PARPBP: variants seen among roughly 807,000 people sequenced by gnomAD.
PARPBP encodes PCNA-interacting partner.
A neutral mutation model predicts 50.0 loss-of-function variants in PARPBP; 52 were observed. The ratio of observed to expected loss-of-function variants is 1.04; its 90% CI spans 0.83 to 1.31. The LOEUF is 1.31. PARPBP is among the 50% of genes most tolerant of loss of function. The pLI is 0.00. For synonymous variants in PARPBP, 244 were observed against 232.1 expected, an observed-to-expected ratio of 1.05 and a Z score of -0.47; for missense variants, 697 against 672.0, an observed-to-expected ratio of 1.04 and a Z score of -0.41.
At chr12:102,161,533 A>G (rs1887590911) in intron 4 of PARPBP, among the ~76,000 whole-genome samples, 1 of 152,198 alleles carries the variant, frequency 6.6e-6, no homozygotes, top group Non-Finnish European at 1.5e-5. Context: ...AAACAGATTG[A>G]TTACCTACTA....
intron 8 of PARPBP, among the ~76,000 whole-genome samples, chr12:102,181,017 A>G (rs1283657695): frequency 2.0e-5 from 3 of 152,166 alleles, no homozygotes; most frequent in Non-Finnish European, 2.9e-5. Context: ...AAGGTATTCA[A>G]GTTGGTCTGA....
At chr12:102,125,488 A>G (rs553395402) in intron 2 of PARPBP, among the ~76,000 whole-genome samples, 1 of 152,282 alleles carries the variant, frequency 6.6e-6, no homozygotes, top group East Asian at 1.9e-4. Flanking sequence ...GGGGATTTTT[A>G]TGGGAAGGGA....
chr12:102,134,165 T>G (rs1883274959), intron 2 of PARPBP, among the ~76,000 whole-genome samples: 1 of 140,676 alleles, frequency 7.1e-6, no homozygotes, highest in Non-Finnish European at 1.5e-5. Context: ...TCAATGAAGC[T>G]AAGAGTTGGC....
intron 6 of PARPBP, among the ~76,000 whole-genome samples, chr12:102,173,270 C>T (rs1253074998): frequency 2.0e-5 from 3 of 152,140 alleles, no homozygotes; most frequent in Non-Finnish European, 4.4e-5. Flanking sequence ...TTTACTTTGA[C>T]AAAAGGGTTT....
At chr12:102,143,294 G>A (rs1222020952) in intron 2 of PARPBP, among the ~76,000 whole-genome samples, 1 of 152,218 alleles carries the variant, frequency 6.6e-6, no homozygotes, top group Non-Finnish European at 1.5e-5. Context: ...CAAGGAGCAG[G>A]ATATAATCTG....
Position 102,144,038 on chromosome 12 carries a change from A to G in PARPBP, c.154-4192A>G, listed in dbSNP as rs76529432. On this transcript the variant is annotated intron_variant, in intron 2 of 10. Transcript: ENST00000327680. ...AAGAGAAAGGAAATTGACATTTTTG[A>G]TTACCTATCATTTGTCAGGTGTTAT... Among the ~76,000 whole-genome samples, 1,002 of 152,310 alleles carry G rather than the reference A, an allele frequency of 6.6e-3. 14 individuals carry two copies. Among genetic ancestry groups the G allele is most frequent in the African/African-American group, 0.024 (977 of 41,574 alleles).
rs193013339 is a variant in PARPBP, at chr12:102,191,007, T to A, written c.1264-4305T>A. Among the ~76,000 whole-genome samples the A allele has an allele frequency of 2.5e-3, 380 of 152,246 alleles. 3 individuals are homozygous for A. Among genetic ancestry groups the A allele is most frequent in the African/African-American group, 8.9e-3 (368 of 41,562 alleles). Reference sequence around the variant, plus strand: ...TAGAATGAAAAAGGAATGTTTGTATTAGACTGAATTAAAATTGAATTTGTT... The same window carrying A: ...TAGAATGAAAAAGGAATGTTTGTATAAGACTGAATTAAAATTGAATTTGTT... On this transcript the variant is annotated intron_variant, in intron 9 of 10. Coordinates refer to ENST00000327680, the MANE Select transcript of PARPBP (RefSeq NM_017915.5).
At position 102,128,886 on chromosome 12, in the gene PARPBP, A is replaced by G. The variant is rs973614189; in HGVS notation, c.153+4845A>G. On this transcript the variant is annotated intron_variant, in intron 2 of 10. Transcript: ENST00000327680. The stretch of plus-strand genomic sequence containing the variant: ...ATATGGTAGTTTTATTTTTTGAGAA[A>G]CTTTCATACTGTAATGCTTATACTA... Among the ~76,000 whole-genome samples, 3 of 152,174 alleles carry G rather than the reference A, an allele frequency of 2.0e-5. No homozygotes were observed. The East Asian group carries it at 5.8e-4, about 29-fold the overall frequency.
rs772349415 is a variant in PARPBP, at chr12:102,196,686, A to C, written c.*395A>C. ...CCAACAAGGTCGGTAGACTCTTCCC[A>C]GCATACATCTGAGCACTGAAGGAAG... On this transcript the variant is annotated 3_prime_UTR_variant, in exon 11 of 11. Transcript: ENST00000327680. The C allele has an allele frequency of 6.2e-7, 1 of 1,609,464 alleles. No homozygotes were observed. The highest frequency in any genetic ancestry group is 1.7e-5 in the Admixed American group (1 of 59,944).
intron 4 of PARPBP, among the ~76,000 whole-genome samples, chr12:102,159,694 TA>T (rs11320763): frequency 0.26 from 38,626 of 149,458 alleles, 5,037 homozygotes; most frequent in East Asian, 0.42. Context: ...AATCATCAGT[TA>T]AAAAAAAAAA....
In PARPBP at chr12:102,196,294, T is replaced by C; in HGVS notation, c.*3T>C. On this transcript the variant is annotated 3_prime_UTR_variant, in exon 11 of 11. Coordinates refer to ENST00000327680, the MANE Select transcript of PARPBP (RefSeq NM_017915.5). ...TAACTCAGTTTTTTAGACTATAAAT[T>C]TGTGTCTTATATGCTTTAGGTTTAT... 6.4e-7 allele frequency: 1 copy of C among 1,551,122 alleles called. No homozygotes were observed. Among genetic ancestry groups the C allele is most frequent in the Non-Finnish European group, 8.7e-7 (1 of 1,146,198 alleles).
At chr12:102,134,970 G>C (rs1883404090) in intron 2 of PARPBP, among the ~76,000 whole-genome samples, 1 of 152,118 alleles carries the variant, frequency 6.6e-6, no homozygotes, top group Admixed American at 6.5e-5. Flanking sequence ...GAACCACTAT[G>C]TCTGACCTCT....
intron 2 of PARPBP, among the ~76,000 whole-genome samples, chr12:102,124,824 C>G (rs1881715104): frequency 6.6e-6 from 1 of 152,006 alleles, no homozygotes; most frequent in South Asian, 2.1e-4. Flanking sequence ...TCAGTAGTTT[C>G]CAGATTTTTA....
chr12:102,171,008 C>G (rs1343546173), intron 6 of PARPBP, among the ~76,000 whole-genome samples: 1 of 147,102 alleles, frequency 6.8e-6, no homozygotes, highest in Non-Finnish European at 1.5e-5. Flanking sequence ...ATCAATATGA[C>G]TGTCTTCCAC....
At chr12:102,159,582 TATTTTATTTTACTTC>T (rs1048353091) in intron 4 of PARPBP, among the ~76,000 whole-genome samples, 3 of 152,250 alleles carry the variant, frequency 2.0e-5, no homozygotes, top group African/African-American at 7.2e-5. Flanking sequence ...TTTGTTTCCT[TATTTTATTTTACTTC>T]ATTTTATTTT....
intron 1 of PARPBP, among the ~76,000 whole-genome samples, chr12:102,123,190 C>T (rs1339733822): frequency 6.6e-6 from 1 of 152,150 alleles, no homozygotes; most frequent in African/African-American, 2.4e-5. Flanking sequence ...ATTCCAGACT[C>T]GCAAGTGTTT....
intron 6 of PARPBP, among the ~76,000 whole-genome samples, chr12:102,167,282 T>C (rs1456695333): frequency 1.3e-5 from 2 of 152,194 alleles, no homozygotes; most frequent in Non-Finnish European, 2.9e-5. Flanking sequence ...TTATATTTGG[T>C]TGCATATGAT....
intron 9 of PARPBP, among the ~76,000 whole-genome samples, chr12:102,192,945 A>G (rs1040130549): frequency 2.0e-5 from 3 of 151,222 alleles, no homozygotes; most frequent in Non-Finnish European, 4.4e-5. Context: ...AAAGGGGGGG[A>G]GTTCTGTTGT....
chr12:102,166,005 C>G, intron 6 of PARPBP, 122 bp downstream of exon 6: 1 of 622,540 alleles, frequency 1.6e-6, no homozygotes, highest in South Asian at 2.2e-5. Context: ...GGCGAAGAAA[C>G]AAAATCTAGA....
Sources: gnomAD v4.1 joint callset for allele counts (sites outside exome capture counted in the v4.1 genomes callset) on GRCh38, gnomAD v4.1.1 for gene constraint, MANE v1.5 for transcripts, NCBI Gene and HGNC (gene_info 2026-07-23, HGNC 2026-07-21) for gene names.